Variants in PLPPR5 observed in about 807,000 individuals in gnomAD.
PLPPR5 encodes phospholipid phosphatase related 5, also known as phospholipid phosphatase-related protein type 5.
PLPPR5 carries 16 observed loss-of-function variants against 33.9 expected under a neutral mutation model. That is an observed-to-expected ratio of 0.47 (90% confidence interval 0.32 to 0.72). The LOEUF (loss-of-function observed/expected upper bound fraction) is 0.72, where lower values mean the gene tolerates loss of function less well. Ranked by LOEUF, PLPPR5 falls within the 30% of genes least tolerant of loss-of-function variation. The pLI is 0.03. For synonymous variants in PLPPR5, 163 were observed against 150.3 expected, an observed-to-expected ratio of 1.08 and a Z score of -0.62; for missense variants, 301 against 406.7, an observed-to-expected ratio of 0.74 and a Z score of 2.23.
chr1:98,910,887 T>G (rs1649118778), intron 5 of PLPPR5, among the ~76,000 whole-genome samples: 1 of 86,662 alleles, frequency 1.2e-5, no homozygotes, highest in Admixed American at 1.1e-4. Context: ...AGCCAGAGAG[T>G]GTTTTTTTTT....
chr1:99,005,484 G>C (rs1229730645), upstream of PLPPR5, among the ~76,000 whole-genome samples: 4 of 152,046 alleles, frequency 2.6e-5, no homozygotes, highest in African/African-American at 9.7e-5. Flanking sequence ...ATATATATAT[G>C]TATATACAAA....
At chr1:98,979,459 T>C (rs914366278) in intron 1 of PLPPR5, among the ~76,000 whole-genome samples, 5 of 152,128 alleles carry the variant, frequency 3.3e-5, no homozygotes, top group African/African-American at 7.2e-5. Context: ...TAAGGGGCTA[T>C]GTTGTTGCTA....
rs1372327532 is a variant in PLPPR5 at position 99,004,755 on chromosome 1, C to T, written c.-84G>A. 1 of 910,568 alleles carries T rather than the reference C, an allele frequency of 1.1e-6. No homozygotes were observed. The highest frequency in any genetic ancestry group is 5.4e-5 in the South Asian group (1 of 18,536). 56.4% of individuals were successfully genotyped at this position (910,568 alleles called of 1,614,324 possible). A position where few individuals can be genotyped will look rare whatever the true frequency, so the allele number is the denominator to read the frequency against. ...CTCCCCGGTCCGCCGAGGCAGCCAC[C>T]GGGGGCGCGGCGGCGGAGGCGGCGG... On this transcript the variant is annotated 5_prime_UTR_variant, in exon 1 of 6. Transcript: ENST00000263177.
intron 3 of PLPPR5, 118 bp downstream of exon 3, chr1:98,952,952 A>ACTT: frequency 1.6e-6 from 2 of 1,232,240 alleles, no homozygotes; most frequent in Non-Finnish European, 2.2e-6. Context: ...TAAATGGCCT[A>ACTT]CAGAAAGATA....
chr1:98,920,034 T>C (rs574723471), intron 4 of PLPPR5, among the ~76,000 whole-genome samples: 1 of 152,138 alleles, frequency 6.6e-6, no homozygotes, highest in Non-Finnish European at 1.5e-5. Context: ...AATCCTTTCA[T>C]GAAGTCATTT....
chr1:98,962,956 T>C (rs1651301389), intron 1 of PLPPR5, among the ~76,000 whole-genome samples: 1 of 152,166 alleles, frequency 6.6e-6, no homozygotes, highest in Non-Finnish European at 1.5e-5. Context: ...GCCCCACATT[T>C]TCTATTTACA....
chr1:98,985,941 T>C lies in PLPPR5; in HGVS notation c.237+18494A>G, dbSNP rs574806053. On this transcript the variant is annotated intron_variant, in intron 1 of 5. Transcript: ENST00000263177. Reference sequence around the variant, plus strand: ...ACATATGACTGTATACAATGCAACATATTTTGAGGTGGCATTTCCTGAATT... The same window carrying C: ...ACATATGACTGTATACAATGCAACACATTTTGAGGTGGCATTTCCTGAATT... Among the ~76,000 whole-genome samples the C allele has an allele frequency of 2.0e-5, 3 of 152,124 alleles. No homozygotes were observed. In the East Asian group the frequency reaches 5.8e-4, roughly 29 times the overall value.
chr1:98,926,489 TG>T (rs1649768744), intron 3 of PLPPR5, among the ~76,000 whole-genome samples: 1 of 149,846 alleles, frequency 6.7e-6, no homozygotes, highest in African/African-American at 2.4e-5. Context: ...TGTGTGTGTG[TG>T]TGTGTGTTTT....
At chr1:98,985,232 A>C (rs1377953095) in intron 1 of PLPPR5, among the ~76,000 whole-genome samples, 2 of 151,950 alleles carry the variant, frequency 1.3e-5, no homozygotes, top group Non-Finnish European at 2.9e-5. Context: ...ATTGATAATA[A>C]CTGAGTTCCT....
At chr1:98,902,208 G>A (rs1425052345) in intron 5 of PLPPR5, among the ~76,000 whole-genome samples, 2 of 151,988 alleles carry the variant, frequency 1.3e-5, no homozygotes, top group Non-Finnish European at 2.9e-5. Flanking sequence ...TTGAAGATTA[G>A]CTTTTAATAG....
chr1:98,917,560 A>C (rs2101156070), intron 4 of PLPPR5, among the ~76,000 whole-genome samples: 1 of 152,118 alleles, frequency 6.6e-6, no homozygotes, highest in African/African-American at 2.4e-5. Context: ...TGTTTTCAAA[A>C]CACTTTCTGT....
chr1:99,004,854 G>T lies in PLPPR5; in HGVS notation c.-183C>A, dbSNP rs1369029878. ...AGGCAGGTCCGGGCTTCGAGGCGCC[G>T]GCAGGCTGCAGAGGAGGCGGCTACC... On this transcript the variant is annotated 5_prime_UTR_variant, in exon 1 of 6. Transcript: ENST00000263177. 3.8e-6 allele frequency: 1 copy of T among 263,512 alleles called. No homozygotes were observed. The highest frequency in any genetic ancestry group is 1.7e-4 in the South Asian group (1 of 6,044). 16.3% of individuals were successfully genotyped at this position (263,512 alleles called of 1,614,324 possible).
chr1:98,954,454 C>T, intron 2 of PLPPR5, among the ~76,000 whole-genome samples: 1 of 151,990 alleles, frequency 6.6e-6, no homozygotes, highest in East Asian at 1.9e-4. Flanking sequence ...GTTTCCCAAG[C>T]CTTTTCATCA....
At chr1:98,973,356 C>G (rs1198355071) in intron 1 of PLPPR5, among the ~76,000 whole-genome samples, 1 of 138,308 alleles carries the variant, frequency 7.2e-6, no homozygotes, top group East Asian at 2.0e-4. Flanking sequence ...TAGGGATTGA[C>G]AGTAGGAAGA....
chr1:98,897,578 G>A (rs1288632893), intron 5 of PLPPR5, among the ~76,000 whole-genome samples: 4 of 152,092 alleles, frequency 2.6e-5, no homozygotes, highest in Admixed American at 6.6e-5. Context: ...AATAGGAGAA[G>A]CTATCAACAA....
chr1:98,956,124 G>A (rs1341157475), intron 2 of PLPPR5, among the ~76,000 whole-genome samples: 2 of 151,864 alleles, frequency 1.3e-5, no homozygotes, highest in Non-Finnish European at 2.9e-5. Context: ...CTTATCCTTC[G>A]TGATGTTCGA....
intron 5 of PLPPR5, among the ~76,000 whole-genome samples, chr1:98,905,881 C>A (rs1648877572): frequency 6.6e-6 from 1 of 151,852 alleles, no homozygotes; most frequent in South Asian, 2.1e-4. Flanking sequence ...CTTAAATGAC[C>A]TTTTGGGTGG....
intron 1 of PLPPR5, among the ~76,000 whole-genome samples, chr1:98,979,140 A>G (rs906847794): frequency 1.3e-5 from 2 of 152,018 alleles, no homozygotes; most frequent in Non-Finnish European, 2.9e-5. Flanking sequence ...TGAATTTTTG[A>G]AAGTTTAGCT....
chr1:98,916,313 A>G (rs1649348160), intron 4 of PLPPR5, among the ~76,000 whole-genome samples: 1 of 152,202 alleles, frequency 6.6e-6, no homozygotes, highest in East Asian at 1.9e-4. Flanking sequence ...TGATAATTTG[A>G]TACCTCAACT....
Sources: gnomAD v4.1 joint callset for allele counts (sites outside exome capture counted in the v4.1 genomes callset) on GRCh38, gnomAD v4.1.1 for gene constraint, MANE v1.5 for transcripts, NCBI Gene and HGNC (gene_info 2026-07-23, HGNC 2026-07-21) for gene names.